The following OSBPL1A variants were observed in gnomAD, a reference collection of about 807,000 sequenced individuals.
OSBPL1A encodes oxysterol binding protein like 1A.
A neutral mutation model predicts 137.1 loss-of-function variants in OSBPL1A; 80 were observed. The ratio of observed to expected loss-of-function variants is 0.58; its 90% CI spans 0.49 to 0.70. The LOEUF is 0.70. Among genes scored for constraint, OSBPL1A ranks in the 30% least tolerant of loss-of-function variants. The probability of loss-of-function intolerance (pLI) is 0.00; values close to 1 mark genes in which losing one functional copy is unlikely to be tolerated. For synonymous variants in OSBPL1A, 365 were observed against 389.7 expected (o/e 0.94, Z 0.75); for missense variants, 970 against 1,129.4 (o/e 0.86, Z 2.02).
intron 4 of OSBPL1A, among the ~76,000 whole-genome samples, chr18:24,352,051 T>G (rs1030981565): frequency 1.3e-5 from 2 of 152,176 alleles, no homozygotes; most frequent in Non-Finnish European, 2.9e-5. Context: ...CTCACACCTG[T>G]AATCCTAGCA....
chr18:24,284,223 TA>T lies in OSBPL1A; in HGVS notation c.1175-3276del, dbSNP rs1555644681. Among the ~76,000 whole-genome samples, 314 of 78,760 alleles carry T rather than the reference TA, an allele frequency of 4.0e-3. 1 individual carries two copies. The highest frequency in any genetic ancestry group is 0.011 in the African/African-American group (269 of 25,454). The allele number at this position is 78,760 out of a possible 152,430, so 51.7% of individuals were successfully genotyped here. A position where few individuals can be genotyped will look rare whatever the true frequency, so the allele number is the denominator to read the frequency against. ...AGAATTATGTTTACATAATGTTACA[TA>T]AAAAAAAAATTAAAATTGCTAAGCT... On this transcript the variant is annotated intron_variant, in intron 14 of 27. Transcript: ENST00000319481.
intron 5 of OSBPL1A, among the ~76,000 whole-genome samples, chr18:24,341,334 T>A (rs2091270100): frequency 6.6e-6 from 1 of 152,180 alleles, no homozygotes; most frequent in South Asian, 2.1e-4. Context: ...AAACTTGCCA[T>A]AATTTTGTAC....
chr18:24,382,694 G>A (rs1288161796), intron 1 of OSBPL1A, among the ~76,000 whole-genome samples: 1 of 151,722 alleles, frequency 6.6e-6, no homozygotes, highest in South Asian at 2.1e-4. Flanking sequence ...TGGGCAACAT[G>A]GTAAAACCCC....
At chr18:24,350,534 C>A (rs575582027) in intron 4 of OSBPL1A, among the ~76,000 whole-genome samples, 10 of 152,176 alleles carry the variant, frequency 6.6e-5, no homozygotes, top group Admixed American at 6.5e-4. Context: ...TAAAGTGGTC[C>A]TCCCTCCTTA....
At chr18:24,255,817 T>C (rs940859144) in intron 15 of OSBPL1A, among the ~76,000 whole-genome samples, 2 of 150,314 alleles carry the variant, frequency 1.3e-5, no homozygotes, top group African/African-American at 4.9e-5. Flanking sequence ...AGTGCAGTGG[T>C]GCGCTCTCTG....
intron 7 of OSBPL1A, among the ~76,000 whole-genome samples, chr18:24,325,993 C>G (rs922549011): frequency 1.3e-5 from 2 of 151,948 alleles, no homozygotes; most frequent in African/African-American, 4.8e-5. Context: ...CTCAAGCAAT[C>G]CTCCTGCATT....
chr18:24,330,126 GT>G (rs1263794996), intron 7 of OSBPL1A, among the ~76,000 whole-genome samples: 1 of 152,090 alleles, frequency 6.6e-6, no homozygotes, highest in East Asian at 1.9e-4. Flanking sequence ...AGAAATAAAT[GT>G]GTCTTGCTCC....
intron 4 of OSBPL1A, among the ~76,000 whole-genome samples, chr18:24,355,862 G>C (rs141649412): frequency 2.2e-3 from 327 of 152,010 alleles, no homozygotes; most frequent in Non-Finnish European, 3.5e-3. Context: ...GCATGCGCCT[G>C]TAATCCCAGC....
intron 13 of OSBPL1A, among the ~76,000 whole-genome samples, chr18:24,309,065 C>T (rs1487515361): frequency 6.6e-6 from 1 of 152,144 alleles, no homozygotes; most frequent in Admixed American, 6.5e-5. Flanking sequence ...GCCACCGTGC[C>T]CAGCTGAATA....
At chr18:24,256,141 A>G (rs529881888) in intron 15 of OSBPL1A, among the ~76,000 whole-genome samples, 1 of 152,166 alleles carries the variant, frequency 6.6e-6, no homozygotes, top group Non-Finnish European at 1.5e-5. Flanking sequence ...TTGAATCCAC[A>G]TGTTGATATC....
At chr18:24,351,140 G>T (rs1423534034) in intron 4 of OSBPL1A, among the ~76,000 whole-genome samples, 1 of 151,874 alleles carries the variant, frequency 6.6e-6, no homozygotes, top group African/African-American at 2.4e-5. Flanking sequence ...TTAAGGTCAG[G>T]AGTTCGAGAC....
At chr18:24,165,771 G>C (rs1039167380) in intron 26 of OSBPL1A, among the ~76,000 whole-genome samples, 16 of 152,120 alleles carry the variant, frequency 1.1e-4, no homozygotes, top group African/African-American at 3.6e-4. Flanking sequence ...CCCCTTTTGA[G>C]AACCACTGAG....
chr18:24,165,680 C>A (rs1243073828), intron 26 of OSBPL1A, among the ~76,000 whole-genome samples: 2 of 152,218 alleles, frequency 1.3e-5, no homozygotes, highest in Non-Finnish European at 2.9e-5. Flanking sequence ...CCATGGCCTG[C>A]AGACGCCAGC....
intron 17 of OSBPL1A, among the ~76,000 whole-genome samples, chr18:24,219,495 T>C (rs915263756): frequency 4.6e-5 from 7 of 152,200 alleles, no homozygotes; most frequent in Non-Finnish European, 8.8e-5. Flanking sequence ...TTTCTCTTCG[T>C]ACATAAGTTT....
rs1407587823 is a variant in OSBPL1A at position 24,267,861 on chromosome 18, A to C, written c.1281+12981T>G. On this transcript the variant is annotated intron_variant, in intron 15 of 27. Coordinates refer to ENST00000319481, the MANE Select transcript of OSBPL1A (RefSeq NM_080597.4). ...AGGTATGCCTTTTTTTTTTTTTTTA[A>C]ATCAGGGATGAACATGAATCCTACC... 2.0e-5 allele frequency among the ~76,000 whole-genome samples: 3 copies of C among 150,782 alleles called. No homozygotes were observed. The South Asian group carries it at 6.3e-4, about 32-fold the overall frequency.
intron 15 of OSBPL1A, among the ~76,000 whole-genome samples, chr18:24,239,882 G>A (rs1465753127): frequency 6.6e-6 from 1 of 150,558 alleles, no homozygotes; most frequent in African/African-American, 2.4e-5. Context: ...AGGGAAACAG[G>A]TTGCCTGGTA....
intron 4 of OSBPL1A, among the ~76,000 whole-genome samples, chr18:24,354,466 T>TAAC (rs747886317): frequency 4.4e-4 from 67 of 151,842 alleles, no homozygotes; most frequent in Non-Finnish European, 9.0e-4. Flanking sequence ...TCTGCAGAGG[T>TAAC]AACACCGAAT....
chr18:24,178,316 C>CA, intron 20 of OSBPL1A, 121 bp from the exon 21 acceptor site: 1 of 1,014,952 alleles, frequency 9.9e-7, no homozygotes, highest in Non-Finnish European at 1.4e-6. Flanking sequence ...GTTGTTGAGA[C>CA]AAAATCTTGC....
chr18:24,185,172 CA>C (rs1567928736), intron 18 of OSBPL1A, among the ~76,000 whole-genome samples: 1 of 151,928 alleles, frequency 6.6e-6, no homozygotes, highest in Non-Finnish European at 1.5e-5. Context: ...AATGAAAAGA[CA>C]GAGCAAAGGG....
Sources: allele counts gnomAD v4.1 joint callset (sites outside exome capture counted in the v4.1 genomes callset), GRCh38; gene constraint gnomAD v4.1.1; transcripts MANE v1.5; gene names NCBI Gene and HGNC (gene_info 2026-07-23, HGNC 2026-07-21).